The following COL6A3 variants were observed in gnomAD, a reference collection of about 807,000 sequenced individuals.
The protein encoded by COL6A3 is collagen type VI alpha 3 chain, also known as collagen alpha-3(VI) chain.
In COL6A3, 137 loss-of-function variants were observed where a neutral mutation model predicts 274.1. The observed-to-expected ratio is 0.50, with a 90% CI of 0.44 to 0.58. The LOEUF (loss-of-function observed/expected upper bound fraction) is 0.58, where lower values mean the gene tolerates loss of function less well. Ranked by LOEUF, COL6A3 falls within the 20% of genes least tolerant of loss-of-function variation. COL6A3 has a pLI of 0.00. For missense variants in COL6A3, 3,950 were observed against 4,124.9 expected, an observed-to-expected ratio of 0.96 and a Z score of 1.16; for synonymous variants, 1,650 against 1,650.6, an observed-to-expected ratio of 1.00 and a Z score of 0.01.
chr2:237,348,741 C>T, intron 28 of COL6A3, 78 bp from the exon 29 acceptor site: 2 of 1,318,814 alleles, frequency 1.5e-6, no homozygotes, highest in Non-Finnish European at 2.2e-6. Flanking sequence ...CTGCCGCTGC[C>T]CCTGAGAAGT....
In COL6A3 at chr2:237,411,315, G is replaced by A. The variant is rs2078850048; in HGVS notation, c.-31+2638C>T. On this transcript the variant is annotated intron_variant, in intron 1 of 43. Coordinates refer to ENST00000295550, the MANE Select transcript of COL6A3 (RefSeq NM_004369.4). ...GGAAGTGTCACGCAATAGTATTCAC[G>A]ACTTGCCGGTGAATTTTAAGTCCTA... Among the ~76,000 whole-genome samples, 6 of 152,196 alleles carry A rather than the reference G, an allele frequency of 3.9e-5. No individual in the cohort carries two copies. The South Asian group carries it at 8.3e-4, about 21-fold the overall frequency.
chr2:237,405,796 G>A (rs926597427), intron 1 of COL6A3, among the ~76,000 whole-genome samples: 1 of 152,110 alleles, frequency 6.6e-6, no homozygotes, highest in African/African-American at 2.4e-5. Context: ...AACTCCCCAT[G>A]CCTTTTGGGG....
chr2:237,355,259 T>C (rs1239470842), intron 23 of COL6A3: 1 of 324,844 alleles, frequency 3.1e-6, no homozygotes, highest in South Asian at 8.8e-5. Context: ...CCAGCCAGTT[T>C]CAAATGAGGA....
At chr2:237,373,084 G>T (rs1245592480) in intron 8 of COL6A3, among the ~76,000 whole-genome samples, 3 of 152,290 alleles carry the variant, frequency 2.0e-5, no homozygotes, top group East Asian at 3.9e-4. Flanking sequence ...TGAGAGTCAG[G>T]TGGGTCAGGA....
chr2:237,376,961 T>C lies in COL6A3; in HGVS notation c.2881A>G (p.Ser961Gly). The stretch of plus-strand genomic sequence containing the variant: ...ACAACCCCACTCTGCTTCAGGTTAC[T>C]TGCTGGCCCATCCACACGGTCAGAT... Reference protein sequence around the residue: ...RSSDRVDGPASNLKQSGVVPF... With the variant: ...RSSDRVDGPAGNLKQSGVVPF... Residue 961 changes from serine (S) to glycine (G), a missense_variant, in exon 7 of 44, where the codon AGT (serine) becomes GGT (glycine). Ser to Gly is a moderately conservative substitution (Grantham distance 56). This residue lies in a region of COL6A3 where 1,934 missense variants were observed against 1,984.3 expected (regional missense o/e 0.97). Transcript: ENST00000295550. The C allele has an allele frequency of 6.2e-7, 1 of 1,614,226 alleles. No homozygotes were observed. Among genetic ancestry groups the C allele is most frequent in the Non-Finnish European group, 8.5e-7 (1 of 1,180,044 alleles).
At chr2:237,382,974 T>G (rs777811001) in intron 4 of COL6A3, among the ~76,000 whole-genome samples, 2 of 152,080 alleles carry the variant, frequency 1.3e-5, no homozygotes, top group African/African-American at 4.8e-5. Flanking sequence ...TGTTTTGTTT[T>G]GTTTGGTAGA....
intron 26 of COL6A3, 21 bp downstream of exon 26, chr2:237,352,501 C>T (rs1380883011): frequency 6.2e-7 from 1 of 1,606,458 alleles, no homozygotes. Flanking sequence ...AGAGAGGGGG[C>T]TGGTATTAGG....
At chr2:237,396,410 T>C (rs1371826867) in intron 2 of COL6A3, among the ~76,000 whole-genome samples, 1 of 152,180 alleles carries the variant, frequency 6.6e-6, no homozygotes, top group Non-Finnish European at 1.5e-5. Flanking sequence ...ATGCCAGAAA[T>C]GTGGAAAGTC....
Position 237,354,917 on chromosome 2 carries a change from C to A in COL6A3, c.6609G>T (p.Arg2203Ser). The A allele has an allele frequency of 6.2e-7, 1 of 1,613,916 alleles. No individual in the cohort carries two copies. Among genetic ancestry groups the A allele is most frequent in the Non-Finnish European group, 8.5e-7 (1 of 1,179,922 alleles). Residue 2203 changes from arginine to serine, a missense_variant, in exon 24 of 44, where the codon AGG (arginine) becomes AGT (serine). Physicochemically the swap from Arg to Ser is moderately radical, Grantham distance 110. Around this residue, in one of 5 missense-constraint regions of COL6A3, gnomAD observed 1,284 missense variants for 1,349.7 expected, o/e 0.95. Coordinates refer to ENST00000295550, the MANE Select transcript of COL6A3 (RefSeq NM_004369.4). ...ETGKNGGFGRRGPPGAKGNKG... is the reference protein window; with the variant it reads ...ETGKNGGFGRSGPPGAKGNKG... ...GGCTCACCTTAGCTCCGGGGGGTCCCCTTCGGCCAAAGCCACCCTGTGGAA... is the reference window on the plus strand; with the variant it reads ...GGCTCACCTTAGCTCCGGGGGGTCCACTTCGGCCAAAGCCACCCTGTGGAA...
rs148972013 is a variant in COL6A3, at chr2:237,332,486, T to C, written c.9328+964A>G. 7.1e-3 allele frequency among the ~76,000 whole-genome samples: 1,074 copies of C among 152,268 alleles called. 19 individuals are homozygous for C. The highest frequency in any genetic ancestry group is 0.024 in the African/African-American group (983 of 41,556). The stretch of plus-strand genomic sequence containing the variant: ...TACTGTGTTCTTTGTGGCTTCTCTT[T>C]GAGCTCAAGCACCATGGTGGGGTCG... On this transcript the variant is annotated intron_variant, in intron 42 of 43. Transcript: ENST00000295550.
rs2077143492 is a variant in COL6A3, at chr2:237,348,606, T to TA, written c.6930+6dup. The TA allele has an allele frequency of 6.2e-7, 1 of 1,613,764 alleles. No individual in the cohort carries two copies. Among genetic ancestry groups the TA allele is most frequent in the Non-Finnish European group, 8.5e-7 (1 of 1,179,722 alleles). On this transcript the variant is annotated splice_region_variant and intron_variant, in intron 29 of 43. Coordinates refer to ENST00000295550, the MANE Select transcript of COL6A3 (RefSeq NM_004369.4). ...GGACGCTTGGATAATCCTCAGCAGA[T>TA]ACGTACTTTTTTGCCTCTGCGTCCT...
At chr2:237,394,328 A>T (rs1396168987) in intron 3 of COL6A3, among the ~76,000 whole-genome samples, 1 of 152,232 alleles carries the variant, frequency 6.6e-6, no homozygotes, top group African/African-American at 2.4e-5. Flanking sequence ...GTGGGATCAT[A>T]ATATTAGAAT....
chr2:237,376,916 T>G lies in COL6A3; in HGVS notation c.2926A>C (p.Lys976Gln). The change falls in exon 7 of 44, where the codon AAG becomes CAG. Residue 976 changes from lysine to glutamine, a missense_variant. By Grantham distance (53) the Lys-to-Gln change is moderately conservative. Around this residue, in one of 5 missense-constraint regions of COL6A3, gnomAD observed 1,934 missense variants for 1,984.3 expected, o/e 0.97. Coordinates refer to ENST00000295550, the MANE Select transcript of COL6A3 (RefSeq NM_004369.4). The part of the protein sequence containing the change: ...SGVVPFIFQA[K>Q]NADPAELEQI... ...TCTAACTCAGCAGGGTCTGCGTTCT[T>G]GGCTTGGAAGATGAAAGGCACAACC... The G allele has an allele frequency of 1.2e-6, 2 of 1,614,210 alleles. No homozygotes were observed. The highest frequency in any genetic ancestry group is 1.7e-6 in the Non-Finnish European group (2 of 1,180,036).
chr2:237,405,541 G>A (rs1281477003), intron 1 of COL6A3, among the ~76,000 whole-genome samples: 1 of 152,058 alleles, frequency 6.6e-6, no homozygotes, highest in Non-Finnish European at 1.5e-5. Flanking sequence ...TGCTGGTAAC[G>A]TTTCCTGGGC....
rs2078197168 is a variant in COL6A3, at chr2:237,388,068, T to C, written c.826A>G (p.Thr276Ala). 6.2e-7 allele frequency: 1 copy of C among 1,614,060 alleles called. No individual in the cohort carries two copies. The highest frequency in any genetic ancestry group is 1.7e-5 in the Admixed American group (1 of 60,004). ...VNLLEKLPIG[T>A]QQIRVGVVQF... ...ACCACCCCCACTCGGATCTGCTGAG[T>C]TCCAATTGGGAGTTTCTCAAGGAGA... The change falls in exon 4 of 44, where the codon ACT becomes GCT. Residue 276 changes from threonine (T) to alanine (A), a missense_variant. Thr to Ala is a moderately conservative substitution (Grantham distance 58). This residue lies in a region of COL6A3 where 1,934 missense variants were observed against 1,984.3 expected (regional missense o/e 0.97). Coordinates refer to ENST00000295550, the MANE Select transcript of COL6A3 (RefSeq NM_004369.4).
rs1211813191 is a variant in COL6A3 at position 237,344,119 on chromosome 2, T to C, written c.7668+231A>G. The stretch of plus-strand genomic sequence containing the variant: ...CACTAACCGGCAAGAGCTGTCAACA[T>C]GTGAGGAGGGACCTGGGGGCAGTGC... On this transcript the variant is annotated intron_variant, in intron 36 of 43. Transcript: ENST00000295550. This position sits in a 1 kb window ranked among gnomAD's most constrained non-coding sequence, Gnocchi z 4.8. The C allele has an allele frequency of 4.7e-6, 3 of 640,190 alleles. No homozygotes were observed. The highest frequency in any genetic ancestry group is 8.4e-6 in the Non-Finnish European group (3 of 358,646). 39.7% of individuals were successfully genotyped at this position (640,190 alleles called of 1,614,324 possible).
Position 237,395,129 on chromosome 2 carries a change from T to G in COL6A3, c.167A>C (p.Gln56Pro), listed in dbSNP as rs1431568393. 6.2e-7 allele frequency: 1 copy of G among 1,614,002 alleles called. No individual in the cohort carries two copies. The highest frequency in any genetic ancestry group is 2.2e-5 in the East Asian group (1 of 44,884). ...SSWTIGEEHF[Q>P]LVREFLYDVV... is the part of the protein sequence containing the mutation. ...ATCATATAGAAACTCTCGAACAAGT[T>G]GGAAATGTTCCTCTCCAATGGTCCA... The change falls in exon 3 of 44, where the codon CAA becomes CCA. Residue 56 changes from glutamine to proline, a missense_variant. This residue lies in a region of COL6A3 where 1,934 missense variants were observed against 1,984.3 expected (regional missense o/e 0.97). Transcript: ENST00000295550.
intron 4 of COL6A3, among the ~76,000 whole-genome samples, chr2:237,383,573 A>G (rs1334179610): frequency 1.3e-5 from 2 of 152,180 alleles, no homozygotes; most frequent in Non-Finnish European, 2.9e-5. Context: ...ACACATATAA[A>G]TTCCATATAT....
At position 237,339,029 on chromosome 2, in the gene COL6A3, A is replaced by G. The variant is rs775077024; in HGVS notation, c.8553T>C (p.Phe2851=). 1.2e-6 allele frequency: 2 copies of G among 1,613,774 alleles called. No homozygotes were observed. Among genetic ancestry groups the G allele is most frequent in the Non-Finnish European group, 1.7e-6 (2 of 1,179,632 alleles). Residue 2851 remains phenylalanine (F), a synonymous_variant, in exon 39 of 44, where the codon TTT becomes TTC. Transcript: ENST00000295550. The part of the protein sequence containing the change: ...GDQPTKNLVK[F]GHKQVNVPNN... ...TAATCACTTACACTTGTTTGTGACCAAACTTCACAAGGTTCTTTGTGGGTT... is the reference window on the plus strand; with the variant it reads ...TAATCACTTACACTTGTTTGTGACCGAACTTCACAAGGTTCTTTGTGGGTT...
Sources: gnomAD v4.1 joint callset for allele counts (sites outside exome capture counted in the v4.1 genomes callset) on GRCh38, gnomAD v4.1.1 for gene constraint, gnomAD v4.1.1 regional missense constraint, Gnocchi (gnomAD v3.1) non-coding constraint, MANE v1.5 for transcripts, NCBI Gene and HGNC (gene_info 2026-07-23, HGNC 2026-07-21) for gene names.